TBC1D5: variants seen among roughly 807,000 people sequenced by gnomAD.
TBC1D5 encodes TBC1 domain family, member 5.
Under a neutral mutation model 100.3 loss-of-function variants are expected in TBC1D5, and 75 were observed. The ratio of observed to expected loss-of-function variants is 0.75; its 90% CI spans 0.62 to 0.91. TBC1D5 has a LOEUF of 0.91. TBC1D5 is among the 40% of genes least tolerant of loss of function. The pLI, the probability that TBC1D5 is intolerant of heterozygous loss-of-function variation, is 0.00. For synonymous variants in TBC1D5, 323 were observed against 325.6 expected (o/e 0.99, Z 0.09); for missense variants, 910 against 942.4 (o/e 0.97, Z 0.45).
At chr3:17,329,882 T>C (rs1041317768) in intron 13 of TBC1D5, among the ~76,000 whole-genome samples, 6 of 152,332 alleles carry the variant, frequency 3.9e-5, no homozygotes, top group Admixed American at 1.3e-4. Flanking sequence ...TGATAAAACA[T>C]AGCATTAATT....
intron 3 of TBC1D5, among the ~76,000 whole-genome samples, chr3:17,442,044 T>C (rs1409266890): frequency 6.6e-6 from 1 of 152,188 alleles, no homozygotes; most frequent in East Asian, 1.9e-4. Flanking sequence ...GGAGGCATAT[T>C]GGAGAAGAAA....
chr3:17,651,610 G>C (rs2065576575), intron 1 of TBC1D5, among the ~76,000 whole-genome samples: 1 of 152,128 alleles, frequency 6.6e-6, no homozygotes, highest in Non-Finnish European at 1.5e-5. Context: ...GGCTGAGGCA[G>C]GGGAATTACT....
exon 1 of TBC1D5, chr3:17,739,705 C>A (rs768272407): frequency 2.6e-5 from 4 of 152,192 alleles, no homozygotes; most frequent in South Asian, 2.1e-4. Flanking sequence ...AAAATGAAAG[C>A]AGGCCAGGCG....
chr3:17,334,975 TA>T (rs2087479740), intron 13 of TBC1D5, among the ~76,000 whole-genome samples: 2 of 152,108 alleles, frequency 1.3e-5, no homozygotes, highest in Admixed American at 6.6e-5. Context: ...AAAATCTGTA[TA>T]AAATAAATTG....
At chr3:17,278,781 T>C (rs765792004) in intron 15 of TBC1D5, among the ~76,000 whole-genome samples, 3 of 152,234 alleles carry the variant, frequency 2.0e-5, no homozygotes, top group Non-Finnish European at 4.4e-5. Context: ...AATTTCTATA[T>C]TCCTTAATGT....
intron 1 of TBC1D5, among the ~76,000 whole-genome samples, chr3:17,736,027 G>A (rs2153997151): frequency 6.6e-6 from 1 of 152,312 alleles, no homozygotes; most frequent in Admixed American, 6.5e-5. Flanking sequence ...TATACGATTT[G>A]ACTATTTCTT....
intron 2 of TBC1D5, among the ~76,000 whole-genome samples, chr3:17,619,471 T>C (rs567079362): frequency 7.2e-5 from 11 of 152,324 alleles, no homozygotes; most frequent in Admixed American, 2.6e-4. Flanking sequence ...CCACTACAGA[T>C]AGAAATCTAA....
intron 2 of TBC1D5, among the ~76,000 whole-genome samples, chr3:17,531,391 T>C (rs1158547108): frequency 6.6e-6 from 1 of 152,190 alleles, no homozygotes; most frequent in Non-Finnish European, 1.5e-5. Context: ...ATCAATATCA[T>C]GAAAATGGCC....
At chr3:17,466,996 A>G (rs2095310956) in intron 3 of TBC1D5, among the ~76,000 whole-genome samples, 1 of 152,172 alleles carries the variant, frequency 6.6e-6, no homozygotes, top group Non-Finnish European at 1.5e-5. Context: ...ATAATACTAA[A>G]AATGAAAACA....
At chr3:17,715,062 T>C (rs755322998) in intron 1 of TBC1D5, among the ~76,000 whole-genome samples, 6 of 152,234 alleles carry the variant, frequency 3.9e-5, no homozygotes, top group Non-Finnish European at 7.3e-5. Flanking sequence ...TATCACAGAA[T>C]ATACATTAAA....
intron 2 of TBC1D5, among the ~76,000 whole-genome samples, chr3:17,513,115 C>A (rs1033736782): frequency 1.3e-5 from 2 of 151,934 alleles, no homozygotes; most frequent in African/African-American, 4.8e-5. Context: ...GGGCAGATCA[C>A]GAGGTCAGGA....
intron 8 of TBC1D5, 44 bp from the exon 9 acceptor site, chr3:17,384,059 CAAG>C: frequency 6.7e-7 from 1 of 1,497,542 alleles, no homozygotes; most frequent in Non-Finnish European, 9.1e-7. Flanking sequence ...AACACAGTTT[CAAG>C]AATCACTCTC....
At chr3:17,485,308 T>A (rs187108432) in intron 3 of TBC1D5, among the ~76,000 whole-genome samples, 4,739 of 148,442 alleles carry the variant, frequency 0.032, 107 homozygotes, top group Non-Finnish European at 0.047. Flanking sequence ...ATTTTATTTT[T>A]TTTACATTTA....
intron 1 of TBC1D5, among the ~76,000 whole-genome samples, chr3:17,665,302 G>A (rs2067139362): frequency 6.6e-6 from 1 of 152,186 alleles, no homozygotes; most frequent in Non-Finnish European, 1.5e-5. Context: ...ACTCTTTGTA[G>A]TAGAACTGAA....
chr3:17,436,517 T>C (rs578243489), intron 3 of TBC1D5, among the ~76,000 whole-genome samples: 2 of 152,286 alleles, frequency 1.3e-5, no homozygotes, highest in Middle Eastern at 3.4e-3. Context: ...AGGAGCATTA[T>C]TTCTGAAAAA....
At chr3:17,385,379 A>G (rs1489410267) in intron 8 of TBC1D5, among the ~76,000 whole-genome samples, 1 of 152,044 alleles carries the variant, frequency 6.6e-6, no homozygotes, top group African/African-American at 2.4e-5. Context: ...ACAGAGAAAC[A>G]TTCCTTAATG....
chr3:17,371,337 T>C (rs1292143237), intron 13 of TBC1D5, among the ~76,000 whole-genome samples: 1 of 152,220 alleles, frequency 6.6e-6, no homozygotes, highest in Non-Finnish European at 1.5e-5. Flanking sequence ...GTACGACTCA[T>C]ACAACTTCTT....
intron 1 of TBC1D5, among the ~76,000 whole-genome samples, chr3:17,734,117 T>G (rs899360628): frequency 6.6e-6 from 1 of 152,228 alleles, no homozygotes. Context: ...TTAGCTGTAA[T>G]AATGTCTAGT....
At chr3:17,527,687 G>A (rs1178604504) in intron 2 of TBC1D5, among the ~76,000 whole-genome samples, 1 of 151,792 alleles carries the variant, frequency 6.6e-6, no homozygotes, top group Non-Finnish European at 1.5e-5. Flanking sequence ...AAGATAAAAA[G>A]CAACCACCAC....
Sources: allele counts gnomAD v4.1 joint callset (sites outside exome capture counted in the v4.1 genomes callset), GRCh38; gene constraint gnomAD v4.1.1; transcripts MANE v1.5; gene names NCBI Gene and HGNC (gene_info 2026-07-23, HGNC 2026-07-21).